FRMD5: variants seen among roughly 807,000 people sequenced by gnomAD.
The protein encoded by FRMD5 is FERM domain-containing protein 5.
FRMD5 carries 20 observed loss-of-function variants against 69.0 expected under a neutral mutation model. That is an observed-to-expected ratio of 0.29 (90% CI 0.20 to 0.42). The LOEUF (loss-of-function observed/expected upper bound fraction) is 0.42, where lower values mean the gene tolerates loss of function less well. Among genes scored for constraint, FRMD5 ranks in the 10% least tolerant of loss-of-function variants. FRMD5 has a pLI of 1.00. For missense variants in FRMD5, 595 were observed against 708.6 expected, an observed-to-expected ratio of 0.84 and a Z score of 1.82; for synonymous variants, 271 against 260.1, an observed-to-expected ratio of 1.04 and a Z score of -0.40.
At chr15:43,972,879 T>G (rs1049912933) in intron 1 of FRMD5, among the ~76,000 whole-genome samples, 4 of 152,234 alleles carry the variant, frequency 2.6e-5, no homozygotes, top group Admixed American at 2.6e-4. Context: ...CCACCCAGGC[T>G]TCTACATGAT....
At chr15:44,012,170 G>C (rs913445351) in intron 1 of FRMD5, among the ~76,000 whole-genome samples, 6 of 152,060 alleles carry the variant, frequency 3.9e-5, no homozygotes, top group African/African-American at 1.2e-4. Flanking sequence ...TTCCTAAAAG[G>C]GTGACTGCTT....
In FRMD5 at chr15:43,873,306, A is replaced by G. The variant is rs2088214186; in HGVS notation, c.*579T>C. 3 of 1,516,378 alleles carry G rather than the reference A, an allele frequency of 2.0e-6. No individual in the cohort carries two copies. Among genetic ancestry groups the G allele is most frequent in the Middle Eastern group, 3.4e-4 (2 of 5,840 alleles). 93.9% of individuals were successfully genotyped at this position (1,516,378 alleles called of 1,614,324 possible). A position where few individuals can be genotyped will look rare whatever the true frequency, so the allele number is the denominator to read the frequency against. On this transcript the variant is annotated 3_prime_UTR_variant, in exon 14 of 14. Coordinates refer to ENST00000417257, the MANE Select transcript of FRMD5 (RefSeq NM_032892.5). ...GCAACTTTCCATTTAATCATTCTAC[A>G]TGGATGTTTACTTTTTTAAAAGTTC...
chr15:43,937,685 A>G (rs1595537041), intron 1 of FRMD5, among the ~76,000 whole-genome samples: 1 of 150,268 alleles, frequency 6.7e-6, no homozygotes, highest in Admixed American at 6.6e-5. Flanking sequence ...AACAACATCC[A>G]TGGAAAAGAG....
chr15:44,049,249 A>T (rs900166992), intron 1 of FRMD5, among the ~76,000 whole-genome samples: 1 of 152,186 alleles, frequency 6.6e-6, no homozygotes, highest in Non-Finnish European at 1.5e-5. Context: ...TAAGAAGTAG[A>T]CCACTCATTT....
upstream of FRMD5, among the ~76,000 whole-genome samples, chr15:44,199,276 A>C (rs940189399): frequency 4.6e-5 from 7 of 152,186 alleles, no homozygotes; most frequent in Non-Finnish European, 1.0e-4. Context: ...ACTTGGACGT[A>C]TGACATAGCT....
intron 1 of FRMD5, among the ~76,000 whole-genome samples, chr15:44,036,440 G>A (rs909023477): frequency 6.6e-6 from 1 of 152,094 alleles, no homozygotes; most frequent in Non-Finnish European, 1.5e-5. Flanking sequence ...TGTTTAGAGA[G>A]TATAGGCACC....
intron 1 of FRMD5, among the ~76,000 whole-genome samples, chr15:44,081,556 C>A (rs558339040): frequency 1.3e-5 from 2 of 152,110 alleles, no homozygotes; most frequent in Non-Finnish European, 2.9e-5. Context: ...ATGGTCCAGT[C>A]GTTTACTTAT....
At chr15:43,955,802 C>T (rs755640191) in intron 1 of FRMD5, among the ~76,000 whole-genome samples, 57 of 151,934 alleles carry the variant, frequency 3.8e-4, no homozygotes, top group Non-Finnish European at 8.1e-4. Flanking sequence ...TAAAAGGCAC[C>T]CACTTCAGAG....
chr15:43,944,523 G>A (rs954469748), intron 1 of FRMD5, among the ~76,000 whole-genome samples: 1 of 152,070 alleles, frequency 6.6e-6, no homozygotes, highest in South Asian at 2.1e-4. Context: ...CCGAACTCCC[G>A]GGTTCAAGTG....
intron 1 of FRMD5, among the ~76,000 whole-genome samples, chr15:44,095,316 C>T (rs1395326996): frequency 6.6e-6 from 1 of 151,970 alleles, no homozygotes; most frequent in African/African-American, 2.4e-5. Context: ...GAGCCTCCTG[C>T]CTCAGTTTCC....
At position 44,116,222 on chromosome 15, in the gene FRMD5, T is replaced by C. The variant is rs576866359; in HGVS notation, c.102+78731A>G. On this transcript the variant is annotated intron_variant, in intron 1 of 13. Transcript: ENST00000417257. ...CATATATAACTATATATATTATATA[T>C]ATATAGAGAGAGAGAGAGAGGGAGA... Among the ~76,000 whole-genome samples, 3 of 149,362 alleles carry C rather than the reference T, an allele frequency of 2.0e-5. No individual in the cohort carries two copies. In the South Asian group the frequency reaches 6.3e-4, roughly 31 times the overall value.
At chr15:44,171,735 G>A (rs1359929839) in intron 1 of FRMD5, among the ~76,000 whole-genome samples, 1 of 152,128 alleles carries the variant, frequency 6.6e-6, no homozygotes, top group Non-Finnish European at 1.5e-5. Flanking sequence ...ACCCTAGAAT[G>A]TCATTATTAG....
chr15:43,913,892 C>T (rs1412691021), intron 4 of FRMD5, among the ~76,000 whole-genome samples: 3 of 152,226 alleles, frequency 2.0e-5, no homozygotes, highest in African/African-American at 7.2e-5. Context: ...GAGATATTCT[C>T]ACTGAGACTA....
chr15:44,124,874 G>A (rs981300767), intron 1 of FRMD5, among the ~76,000 whole-genome samples: 2 of 152,240 alleles, frequency 1.3e-5, no homozygotes, highest in Middle Eastern at 3.4e-3. Flanking sequence ...GCCAGGCGTG[G>A]TGGATTGAGC....
chr15:43,873,396 T>A lies in FRMD5; in HGVS notation c.*489A>T. On this transcript the variant is annotated 3_prime_UTR_variant, in exon 14 of 14. Transcript: ENST00000417257. ...CATTGTCCAGATCCCTGGCCTGCCC[T>A]GCTGAGGCTGCAGTGATGAGTCTAC... The A allele has an allele frequency of 6.9e-7, 1 of 1,441,636 alleles. No individual in the cohort carries two copies. Among genetic ancestry groups the A allele is most frequent in the Non-Finnish European group, 9.0e-7 (1 of 1,106,792 alleles). The allele number at this position is 1,441,636 out of a possible 1,614,324, so 89.3% of individuals were successfully genotyped here.
At chr15:44,142,785 C>T (rs2077292819) in intron 1 of FRMD5, among the ~76,000 whole-genome samples, 1 of 152,088 alleles carries the variant, frequency 6.6e-6, no homozygotes, top group African/African-American at 2.4e-5. Flanking sequence ...GCTGTACTTC[C>T]TCACAAAAGA....
chr15:43,921,651 T>C (rs535433949), intron 2 of FRMD5, among the ~76,000 whole-genome samples: 1 of 151,988 alleles, frequency 6.6e-6, no homozygotes, highest in East Asian at 1.9e-4. Flanking sequence ...ACAGACAACA[T>C]GGGCTTAGGG....
At chr15:43,909,748 A>G (rs1332566851) in intron 5 of FRMD5, 134 bp downstream of exon 5, 6 of 538,560 alleles carry the variant, frequency 1.1e-5, no homozygotes, top group Non-Finnish European at 2.0e-5. Flanking sequence ...CCAAAGTGCT[A>G]GGACTACAAG....
At chr15:43,900,514 G>A (rs965184241) in intron 7 of FRMD5, among the ~76,000 whole-genome samples, 8 of 151,972 alleles carry the variant, frequency 5.3e-5, no homozygotes, top group East Asian at 1.9e-4. Context: ...ATATCAGGAT[G>A]TTCTCAAGGT....
Sources: allele counts gnomAD v4.1 joint callset (sites outside exome capture counted in the v4.1 genomes callset), GRCh38; gene constraint gnomAD v4.1.1; transcripts MANE v1.5; gene names NCBI Gene and HGNC (gene_info 2026-07-23, HGNC 2026-07-21).